AOPEP: variants seen among roughly 807,000 people sequenced by gnomAD.
AOPEP encodes aminopeptidase O (putative).
A neutral mutation model predicts 98.1 loss-of-function variants in AOPEP; 77 were observed. The observed-to-expected ratio is 0.78, with a 90% CI of 0.65 to 0.95. The LOEUF (loss-of-function observed/expected upper bound fraction) is 0.95. Ranked by LOEUF, AOPEP falls within the 40% of genes least tolerant of loss-of-function variation. The pLI is 0.00. For synonymous variants in AOPEP, 346 were observed against 365.3 expected (o/e 0.95, Z 0.60); for missense variants, 1,024 against 1,024.7 (o/e 1.00, Z 0.01).
intron 5 of AOPEP, among the ~76,000 whole-genome samples, chr9:94,894,695 T>C (rs751464658): frequency 2.0e-5 from 3 of 152,204 alleles, no homozygotes; most frequent in Non-Finnish European, 4.4e-5. Flanking sequence ...CAAATTATGT[T>C]TATGACCAGC....
At chr9:94,949,106 G>A (rs1366486219) in intron 7 of AOPEP, among the ~76,000 whole-genome samples, 5 of 152,174 alleles carry the variant, frequency 3.3e-5, no homozygotes, top group East Asian at 1.9e-4. Context: ...CTAGATCATC[G>A]CTTGCTGTGT....
chr9:94,926,156 A>G (rs970968914), intron 6 of AOPEP, among the ~76,000 whole-genome samples: 4 of 152,120 alleles, frequency 2.6e-5, no homozygotes, highest in Non-Finnish European at 4.4e-5. Flanking sequence ...TGCATCTCCA[A>G]AGAGTGCTCC....
Position 94,933,395 on chromosome 9 carries a change from T to C in AOPEP, c.1661+4864T>C, listed in dbSNP as rs182047563. The C allele has an allele frequency of 5.8e-4, 570 of 985,454 alleles. 2 individuals are homozygous for C. The African/African-American group carries it at 9.6e-3, about 17-fold the overall frequency. The allele number at this position is 985,454 out of a possible 1,614,324, so 61.0% of individuals were successfully genotyped here. A position where few individuals can be genotyped will look rare whatever the true frequency, so the allele number is the denominator to read the frequency against. On this transcript the variant is annotated intron_variant, in intron 7 of 16. Transcript: ENST00000375315. The stretch of plus-strand genomic sequence containing the variant: ...TTTATTGTTTGTGATTTATTATGAC[T>C]TCTCTTTTTTTCTGGATTCATTGTT...
chr9:94,731,285 T>C (rs1199063945), intron 1 of AOPEP, among the ~76,000 whole-genome samples: 2 of 152,014 alleles, frequency 1.3e-5, no homozygotes, highest in African/African-American at 4.8e-5. Flanking sequence ...TGGAGTGCAG[T>C]GGCGCGATCT....
chr9:94,804,532 GA>G (rs1169337006), intron 5 of AOPEP, among the ~76,000 whole-genome samples: 3 of 152,190 alleles, frequency 2.0e-5, no homozygotes, highest in African/African-American at 7.2e-5. Context: ...AAATTGAGGG[GA>G]AAAAAATGAC....
intron 5 of AOPEP, among the ~76,000 whole-genome samples, chr9:94,822,675 A>G (rs2134231075): frequency 6.6e-6 from 1 of 152,342 alleles, no homozygotes; most frequent in South Asian, 2.1e-4. Flanking sequence ...TCGGAAATTA[A>G]GAAGTCTGAA....
intron 11 of AOPEP, among the ~76,000 whole-genome samples, chr9:94,986,675 T>C (rs1020399336): frequency 6.6e-6 from 1 of 152,176 alleles, no homozygotes; most frequent in Admixed American, 6.5e-5. Context: ...TGGTAATAGC[T>C]GAAGGTCTGT....
chr9:94,956,724 A>G (rs1476296954), intron 9 of AOPEP, among the ~76,000 whole-genome samples: 1 of 152,268 alleles, frequency 6.6e-6, no homozygotes, highest in Admixed American at 6.5e-5. Flanking sequence ...GCAGGCTCTG[A>G]AAAATGACAC....
chr9:94,732,311 AC>A (rs1161518780), intron 1 of AOPEP, among the ~76,000 whole-genome samples: 1 of 151,430 alleles, frequency 6.6e-6, no homozygotes, highest in African/African-American at 2.4e-5. Context: ...AAGAATGGGT[AC>A]TAATTCCCAT....
At chr9:94,896,195 C>A (rs887255537) in intron 5 of AOPEP, among the ~76,000 whole-genome samples, 4 of 152,062 alleles carry the variant, frequency 2.6e-5, no homozygotes, top group Non-Finnish European at 4.4e-5. Flanking sequence ...AAATAAACTT[C>A]TTAAAAATCA....
intron 14 of AOPEP, among the ~76,000 whole-genome samples, chr9:95,063,190 A>C (rs765856816): frequency 6.6e-6 from 1 of 152,264 alleles, no homozygotes; most frequent in Non-Finnish European, 1.5e-5. Context: ...TATATTTCTC[A>C]AATAGCCATA....
chr9:94,928,186 G>A (rs2054664097), intron 6 of AOPEP, among the ~76,000 whole-genome samples: 1 of 152,160 alleles, frequency 6.6e-6, no homozygotes, highest in Admixed American at 6.5e-5. Context: ...CCAGAACAAG[G>A]CGACCTCCGC....
intron 2 of AOPEP, among the ~76,000 whole-genome samples, chr9:94,765,436 C>CAAA (rs1287588072): frequency 9.6e-5 from 6 of 62,782 alleles, no homozygotes; most frequent in African/African-American, 3.1e-4. Flanking sequence ...CCCTTCTCTA[C>CAAA]AAAAATAATA....
Position 94,912,413 on chromosome 9 carries a change from T to A in AOPEP, c.1365-11573T>A, listed in dbSNP as rs972702822. 1.8e-4 allele frequency among the ~76,000 whole-genome samples: 27 copies of A among 152,196 alleles called. No homozygotes were observed. The East Asian group carries it at 5.2e-3, about 29-fold the overall frequency. ...CGACCCCCATGCTCAGAATGTCCCC[T>A]GCCTGGAAAGAAGGAATGTGATATG... On this transcript the variant is annotated intron_variant, in intron 5 of 16. Transcript: ENST00000375315.
intron 5 of AOPEP, among the ~76,000 whole-genome samples, chr9:94,840,670 C>T (rs1394101930): frequency 1.3e-5 from 2 of 152,090 alleles, no homozygotes; most frequent in East Asian, 3.9e-4. Context: ...GATTTAATTT[C>T]ATTAAATTTC....
chr9:94,752,653 T>G (rs984726661), intron 1 of AOPEP, among the ~76,000 whole-genome samples: 2 of 152,194 alleles, frequency 1.3e-5, no homozygotes, highest in Admixed American at 1.3e-4. Flanking sequence ...TTACTAAAGA[T>G]AAACTTAAGT....
At chr9:94,840,364 A>G (rs1479564252) in intron 5 of AOPEP, among the ~76,000 whole-genome samples, 2 of 152,134 alleles carry the variant, frequency 1.3e-5, no homozygotes, top group Non-Finnish European at 2.9e-5. Flanking sequence ...ATTCTGATGT[A>G]TTATTCTTCT....
At chr9:94,765,160 G>GC (rs1839259717) in intron 2 of AOPEP, among the ~76,000 whole-genome samples, 1 of 151,804 alleles carries the variant, frequency 6.6e-6, no homozygotes, top group African/African-American at 2.4e-5. Context: ...ACAGGGTTTT[G>GC]CTATGTTGCC....
Position 94,838,715 on chromosome 9 carries a change from T to C in AOPEP, c.1364+37713T>C, listed in dbSNP as rs2041912730. The stretch of plus-strand genomic sequence containing the variant: ...TGACCATGGTTATTCCCAGTGTCTC[T>C]TCCAGATGATGGTTCTTACTTTGAA... On this transcript the variant is annotated intron_variant, in intron 5 of 16. Coordinates refer to ENST00000375315, the MANE Select transcript of AOPEP (RefSeq NM_001193329.3). 2.0e-5 allele frequency among the ~76,000 whole-genome samples: 3 copies of C among 152,216 alleles called. No individual in the cohort carries two copies. In the South Asian group the frequency reaches 6.2e-4, roughly 32 times the overall value.
Sources: gnomAD v4.1 joint callset for allele counts (sites outside exome capture counted in the v4.1 genomes callset) on GRCh38, gnomAD v4.1.1 for gene constraint, MANE v1.5 for transcripts, NCBI Gene and HGNC (gene_info 2026-07-23, HGNC 2026-07-21) for gene names.